Variants in DSPP observed in about 807,000 individuals in gnomAD.
DSPP encodes the protein deafness, autosomal dominant 39.
In DSPP, 28 loss-of-function variants were observed where a neutral mutation model predicts 29.1. That is an observed-to-expected ratio of 0.96 (90% confidence interval 0.71 to 1.32). The LOEUF is 1.32. Ranked by LOEUF, DSPP falls within the 40% of genes most tolerant of loss-of-function variation. The pLI, the probability that DSPP is intolerant of heterozygous loss-of-function variation, is 0.00. For synonymous variants in DSPP, 481 were observed against 503.4 expected (o/e 0.96, Z 0.60); for missense variants, 1,281 against 1,629.9 (o/e 0.79, Z 3.69).
Position 87,612,859 on chromosome 4 carries a change from A to G in DSPP, c.673A>G (p.Lys225Glu), listed in dbSNP as rs372603819. Residue 225 changes from lysine (K) to glutamate (E), a missense_variant, in exon 4 of 5, where the codon AAG (lysine) becomes GAG (glutamate). Lys to Glu is a moderately conservative substitution (Grantham distance 56, BLOSUM62 1). This residue lies in a region of DSPP where 631 missense variants were observed against 643.2 expected (regional missense o/e 0.98). Coordinates refer to ENST00000651931, the MANE Select transcript of DSPP (RefSeq NM_014208.3). ...GATCAACAGCAAGAGAAATGGGACT[A>G]AGGAAGCTGAGGTAACACCAGGCAC... ...PQINSKRNGT[K>E]EAEVTPGTGE... 5 of 1,614,072 alleles carry G rather than the reference A, an allele frequency of 3.1e-6. No individual in the cohort carries two copies. The highest frequency in any genetic ancestry group is 2.2e-5 in the South Asian group (2 of 91,072).
Position 87,614,734 on chromosome 4 carries a change from A to G in DSPP, c.2072A>G (p.Asp691Gly), listed in dbSNP as rs1345821438. ...SDSSNSSDSS[D>G]SSDSSNSSES... ...AGCAGCAACAGCAGTGATAGTAGTG[A>G]CAGTAGTGACAGCAGCAATAGCAGT... The change falls in exon 5 of 5, where the codon GAC becomes GGC. Residue 691 changes from aspartate to glycine, a missense_variant. Physicochemically the swap from Asp to Gly is moderately conservative, Grantham distance 94. This residue lies in a region of DSPP where 444 missense variants were observed against 611.4 expected (regional missense o/e 0.73). Coordinates refer to ENST00000651931, the MANE Select transcript of DSPP (RefSeq NM_014208.3). 6.5e-7 allele frequency: 1 copy of G among 1,547,850 alleles called. No homozygotes were observed.
At chr4:87,613,360 C>A (rs1358173775) in intron 4 of DSPP, 52 bp downstream of exon 4, 5 of 1,586,514 alleles carry the variant, frequency 3.2e-6, no homozygotes, top group Middle Eastern at 3.3e-4. Context: ...TCTTCCCCTC[C>A]ATCTATTGAT....
chr4:87,608,976 C>A (rs963365970), intron 1 of DSPP, among the ~76,000 whole-genome samples: 1 of 152,148 alleles, frequency 6.6e-6, no homozygotes, highest in East Asian at 1.9e-4. Context: ...TTAGGCTTTG[C>A]TTTTTAGTAT....
At chr4:87,611,796 C>T (rs1020828486) in intron 2 of DSPP, among the ~76,000 whole-genome samples, 1 of 152,094 alleles carries the variant, frequency 6.6e-6, no homozygotes, top group Non-Finnish European at 1.5e-5. Context: ...GAGGTCTATC[C>T]CCTCGTCTTT....
chr4:87,610,761 C>T (rs539358130), intron 1 of DSPP, 120 bp from the exon 2 acceptor site: 39 of 694,840 alleles, frequency 5.6e-5, no homozygotes, highest in East Asian at 5.2e-4. Flanking sequence ...TATGTCTTCT[C>T]GTGTTAGATA....
rs1727679543 is a variant in DSPP at position 87,608,623 on chromosome 4, A to C, written c.-29+3A>C. 1 of 152,210 alleles carries C rather than the reference A, an allele frequency of 6.6e-6. No individual in the cohort carries two copies. Among genetic ancestry groups the C allele is most frequent in the South Asian group, 2.1e-4 (1 of 4,826 alleles). 9.4% of individuals were successfully genotyped at this position (152,210 alleles called of 1,614,324 possible). ...AAATCCTTTTGAAGCCTTTTAAGGT[A>C]AGATGAAATATCCTTTTTACTCAGA... On this transcript the variant is annotated splice_donor_region_variant and intron_variant, in intron 1 of 4. Transcript: ENST00000651931.
Position 87,614,606 on chromosome 4 carries a change from T to C in DSPP, c.1944T>C (p.Ser648=). Residue 648 remains serine, a synonymous_variant, in exon 5 of 5, where the codon AGT becomes AGC. Transcript: ENST00000651931. ...CAGACAGCAGTGACAGCAACAGCAG[T>C]GACAGTAGTGACAACAGTGATAGCA... ...SKSDSSDSNS[S]DSSDNSDSSD... 6.5e-7 allele frequency: 1 copy of C among 1,548,044 alleles called. No homozygotes were observed. Among genetic ancestry groups the C allele is most frequent in the Non-Finnish European group, 8.7e-7 (1 of 1,144,338 alleles).
chr4:87,611,006 T>A (rs750403124), intron 2 of DSPP, 47 bp downstream of exon 2: 51 of 1,531,144 alleles, frequency 3.3e-5, no homozygotes, highest in Middle Eastern at 3.4e-4. Context: ...TTATCTTTTT[T>A]AACCTAACAT....
Position 87,616,579 on chromosome 4 carries a change from A to C in DSPP, c.*11A>C. 6.4e-7 allele frequency: 1 copy of C among 1,551,776 alleles called. No individual in the cohort carries two copies. ...ACCAGTGATGATTAGAACAAAAGAA[A>C]AACCCGTAAGATTCCTTTTGTGAAA... On this transcript the variant is annotated 3_prime_UTR_variant, in exon 5 of 5. Coordinates refer to ENST00000651931, the MANE Select transcript of DSPP (RefSeq NM_014208.3).
At position 87,613,264 on chromosome 4, in the gene DSPP, A is replaced by G; in HGVS notation, c.1078A>G (p.Thr360Ala). ...AAGCAAACGCGTAGAAAATAGAATC[A>G]CCAAAGAATCAGAGACACATGCTGT... Reference protein sequence around the residue: ...RESKRVENRITKESETHAVGK... With the variant: ...RESKRVENRIAKESETHAVGK... The change falls in exon 4 of 5, where the codon ACC becomes GCC. Residue 360 changes from threonine to alanine, a missense_variant. Coordinates refer to ENST00000651931, the MANE Select transcript of DSPP (RefSeq NM_014208.3). 6.2e-7 allele frequency: 1 copy of G among 1,613,796 alleles called. No individual in the cohort carries two copies. The highest frequency in any genetic ancestry group is 8.5e-7 in the Non-Finnish European group (1 of 1,180,018).
In DSPP at chr4:87,614,441, T is replaced by C. The variant is rs560538776; in HGVS notation, c.1779T>C (p.Ser593=). ...GTGACAGCAGTGATAGCAGTGACAG[T>C]GATAGTAGTGATAGCAGCAATAGCA... ...SDSDSSDSSD[S]DSSDSSNSSD... The change falls in exon 5 of 5, where the codon AGT becomes AGC. Residue 593 remains serine (S), a synonymous_variant. Transcript: ENST00000651931. The C allele has an allele frequency of 2.5e-5, 39 of 1,548,056 alleles. No individual in the cohort carries two copies. Among genetic ancestry groups the C allele is most frequent in the Non-Finnish European group, 3.1e-5 (36 of 1,145,968 alleles).
rs1727838067 is a variant in DSPP, at chr4:87,614,979, A to G, written c.2317A>G (p.Ser773Gly). The change falls in exon 5 of 5, where the codon AGC (serine) becomes GGC (glycine). Residue 773 changes from serine to glycine, a missense_variant. Transcript: ENST00000651931. ...CAGTGACAGCAGTGATAGCAGTGAC[A>G]GCAGTGATAGTAGTGACAGCAGCAA... ...NSSDSSDSSD[S>G]SDSSDSSNSS... 3 of 1,551,450 alleles carry G rather than the reference A, an allele frequency of 1.9e-6. No individual in the cohort carries two copies. Among genetic ancestry groups the G allele is most frequent in the East Asian group, 2.4e-5 (1 of 40,932 alleles).
At chr4:87,611,061 G>GTGTGTGCA (rs1727725965) in intron 2 of DSPP, 102 bp downstream of exon 2, 2 of 1,140,410 alleles carry the variant, frequency 1.8e-6, no homozygotes, top group Non-Finnish European at 2.6e-6. Flanking sequence ...GTGTGTGTGT[G>GTGTGTGCA]TGCATGTACA....
chr4:87,615,267 G>C lies in DSPP; in HGVS notation c.2605G>C (p.Asp869His). Residue 869 changes from aspartate (D) to histidine (H), a missense_variant, in exon 5 of 5, where the codon GAT becomes CAT. Physicochemically the swap from Asp to His is moderately conservative, Grantham distance 81. Coordinates refer to ENST00000651931, the MANE Select transcript of DSPP (RefSeq NM_014208.3). The stretch of plus-strand genomic sequence containing the variant: ...CAGTAGTAATAGTAGTGACAGCAGC[G>C]ATAGCAGTGACAGCAGCAACAGCAG... Reference protein sequence around the residue: ...SDSSNSSDSSDSSDSSNSSDS... With the variant: ...SDSSNSSDSSHSSDSSNSSDS... The C allele has an allele frequency of 6.5e-7, 1 of 1,538,568 alleles. No homozygotes were observed. The highest frequency in any genetic ancestry group is 8.8e-7 in the Non-Finnish European group (1 of 1,141,146).
chr4:87,608,836 G>C (rs1315511569), intron 1 of DSPP, among the ~76,000 whole-genome samples: 1 of 152,092 alleles, frequency 6.6e-6, no homozygotes, highest in Non-Finnish European at 1.5e-5. Flanking sequence ...GAAAGACCTC[G>C]TACTGAAAAA....
chr4:87,616,483 A>C lies in DSPP; in HGVS notation c.3821A>C (p.Lys1274Thr). 6.4e-7 allele frequency: 1 copy of C among 1,551,766 alleles called. No individual in the cohort carries two copies. The highest frequency in any genetic ancestry group is 8.7e-7 in the Non-Finnish European group (1 of 1,147,006). ...AATGATGAGAGTGACAGCCAGAGCA[A>C]GTCTGGTAACGGTAACAACAATGGA... is the stretch of plus-strand genomic sequence containing the variant. Reference protein sequence around the residue: ...DSNDESDSQSKSGNGNNNGSD... With the variant: ...DSNDESDSQSTSGNGNNNGSD... The change falls in exon 5 of 5, where the codon AAG (lysine) becomes ACG (threonine). Residue 1274 changes from lysine (K) to threonine (T), a missense_variant. Coordinates refer to ENST00000651931, the MANE Select transcript of DSPP (RefSeq NM_014208.3).
chr4:87,612,089 A>G lies in DSPP; in HGVS notation c.52-16A>G. 1 of 1,612,594 alleles carries G rather than the reference A, an allele frequency of 6.2e-7. No homozygotes were observed. On this transcript the variant is annotated splice_polypyrimidine_tract_variant and intron_variant, in intron 2 of 4. Coordinates refer to ENST00000651931, the MANE Select transcript of DSPP (RefSeq NM_014208.3). ...AATAAGAACCTTTTCAATAGCCAGT[A>G]TTTTCTACTTGGCAGGTTCCTCAAA... is the stretch of plus-strand genomic sequence containing the variant.
At position 87,614,835 on chromosome 4, in the gene DSPP, G is replaced by A. The variant is rs1360342395; in HGVS notation, c.2173G>A (p.Asp725Asn). 3.1e-5 allele frequency: 48 copies of A among 1,542,126 alleles called. No individual in the cohort carries two copies. The highest frequency in any genetic ancestry group is 1.7e-4 in the Middle Eastern group (1 of 5,922). The change falls in exon 5 of 5, where the codon GAT (aspartate) becomes AAT (asparagine). Residue 725 changes from aspartate to asparagine, a missense_variant. Around this residue, in one of 4 missense-constraint regions of DSPP, gnomAD observed 444 missense variants for 611.4 expected, o/e 0.73. Transcript: ENST00000651931. Reference protein sequence around the residue: ...SSDSSNSNSSDSDSSNSSDSS... With the variant: ...SSDSSNSNSSNSDSSNSSDSS... ...TGACAGCAGTAATAGTAACAGCAGCGATAGTGACAGCAGCAACAGCAGCGA... is the reference window on the plus strand; with the variant it reads ...TGACAGCAGTAATAGTAACAGCAGCAATAGTGACAGCAGCAACAGCAGCGA...
Position 87,614,117 on chromosome 4 carries a change from C to T in DSPP, c.1455C>T (p.Ser485=). The part of the protein sequence containing the change: ...DDANSESDNN[S]SSRGDASYNS... ...CTAATTCAGAAAGTGACAATAACAG[C>T]AGTAGCCGAGGAGATGCTTCTTATA... The change falls in exon 5 of 5, where the codon AGC becomes AGT. Residue 485 remains serine, a synonymous_variant. Transcript: ENST00000651931. 1.2e-6 allele frequency: 2 copies of T among 1,614,204 alleles called. No homozygotes were observed. The highest frequency in any genetic ancestry group is 1.7e-6 in the Non-Finnish European group (2 of 1,180,036).
Sources: gnomAD v4.1 joint callset for allele counts (sites outside exome capture counted in the v4.1 genomes callset) on GRCh38, gnomAD v4.1.1 for gene constraint, gnomAD v4.1.1 regional missense constraint, MANE v1.5 for transcripts, NCBI Gene and HGNC (gene_info 2026-07-23, HGNC 2026-07-21) for gene names.